Variants in GRID2 observed in about 807,000 individuals in gnomAD.
The protein encoded by GRID2 is glutamate ionotropic receptor delta type subunit 2.
A neutral mutation model predicts 114.8 loss-of-function variants in GRID2; 33 were observed. That is an observed-to-expected ratio of 0.29 (90% CI 0.22 to 0.38). The LOEUF (loss-of-function observed/expected upper bound fraction) is 0.38, where lower values mean the gene tolerates loss of function less well. Ranked by LOEUF, GRID2 falls within the 10% of genes least tolerant of loss-of-function variation. The probability of loss-of-function intolerance (pLI) is 1.00; values close to 1 mark genes in which losing one functional copy is unlikely to be tolerated. For synonymous variants in GRID2, 505 were observed against 449.9 expected (o/e 1.12, Z -1.55); for missense variants, 1,184 against 1,257.7 (o/e 0.94, Z 0.89).
rs575914002 is a variant in GRID2, at chr4:93,547,207, G to T, written c.2193+31796G>T. ...AATAAAACTCCTATAATAGACTAGG[G>T]ATTTCTAATCTGGGTGAATATTATT... On this transcript the variant is annotated intron_variant, in intron 13 of 15. Transcript: ENST00000282020. 9.6e-4 allele frequency among the ~76,000 whole-genome samples: 146 copies of T among 152,226 alleles called. 4 individuals are homozygous for T. The highest frequency in any genetic ancestry group is 1.2e-3 in the Non-Finnish European group (85 of 68,014).
At chr4:93,337,887 G>A (rs575456247) in intron 8 of GRID2, among the ~76,000 whole-genome samples, 1 of 152,050 alleles carries the variant, frequency 6.6e-6, no homozygotes, top group African/African-American at 2.4e-5. Context: ...TTTAAAAAGG[G>A]CTTGAAATAC....
chr4:93,131,145 A>ATTTTTTTTTTTTTTTTTTTTTTTTT lies in GRID2; in HGVS notation c.735+20216_735+20217insTTTTTTTTTTTTTTTTTTTTTTTTT, dbSNP rs34215461. Among the ~76,000 whole-genome samples, 6 of 88,754 alleles carry ATTTTTTTTTTTTTTTTTTTTTTTTT rather than the reference A, an allele frequency of 6.8e-5. 1 individual carries two copies. Among genetic ancestry groups the ATTTTTTTTTTTTTTTTTTTTTTTTT allele is most frequent in the African/African-American group, 1.6e-4 (3 of 19,072 alleles). The allele number at this position is 88,754 out of a possible 152,430, so 58.2% of individuals were successfully genotyped here. On this transcript the variant is annotated intron_variant, in intron 4 of 15. Transcript: ENST00000282020. ...AGAACTTCCATGAAAAGATTAAATA[A>ATTTTTTTTTTTTTTTTTTTTTTTTT]TTTTTTTTTTTTTTTTTTTTTTTTG...
At chr4:93,626,584 G>A in intron 14 of GRID2, 149 bp downstream of exon 14, 3 of 535,430 alleles carry the variant, frequency 5.6e-6, no homozygotes, top group Non-Finnish European at 9.9e-6. Flanking sequence ...GTTATAAGTA[G>A]TTGTTCAATA....
At chr4:93,205,014 A>G (rs778934227) in intron 4 of GRID2, among the ~76,000 whole-genome samples, 2 of 152,064 alleles carry the variant, frequency 1.3e-5, no homozygotes, top group African/African-American at 2.4e-5. Flanking sequence ...CTTGTACAAC[A>G]TATTTCTCTT....
rs115028894 is a variant in GRID2 at position 93,229,546 on chromosome 4, T to C, written c.1125+4771T>C. Among the ~76,000 whole-genome samples the C allele has an allele frequency of 4.1e-3, 617 of 152,248 alleles. 5 individuals are homozygous for C. Among genetic ancestry groups the C allele is most frequent in the African/African-American group, 0.014 (574 of 41,548 alleles). Reference sequence around the variant, plus strand: ...AGAAGTCAGCAGCCAGCAACACAAATGAGGTCAGGCTCTTTATTATGATGG... The same window carrying C: ...AGAAGTCAGCAGCCAGCAACACAAACGAGGTCAGGCTCTTTATTATGATGG... On this transcript the variant is annotated intron_variant, in intron 7 of 15. Coordinates refer to ENST00000282020, the MANE Select transcript of GRID2 (RefSeq NM_001510.4).
chr4:93,354,856 G>A (rs910032861), intron 8 of GRID2, among the ~76,000 whole-genome samples: 2 of 142,318 alleles, frequency 1.4e-5, no homozygotes, highest in Non-Finnish European at 3.0e-5. Context: ...GTTCAATAAG[G>A]CCTGTAAAGT....
intron 1 of GRID2, among the ~76,000 whole-genome samples, chr4:93,796,223 A>C (rs1377203882): frequency 6.6e-6 from 1 of 152,122 alleles, no homozygotes; most frequent in East Asian, 1.9e-4. Context: ...CTAGCTTCTG[A>C]TTAACTCAAA....
At chr4:93,537,622 A>G (rs1027717921) in intron 13 of GRID2, among the ~76,000 whole-genome samples, 1 of 151,774 alleles carries the variant, frequency 6.6e-6, no homozygotes, top group East Asian at 1.9e-4. Context: ...GCAAATGACA[A>G]CTTCATTCAC....
At chr4:93,155,321 T>C (rs187749605) in intron 4 of GRID2, among the ~76,000 whole-genome samples, 88 of 152,128 alleles carry the variant, frequency 5.8e-4, no homozygotes, top group Non-Finnish European at 1.0e-3. Flanking sequence ...CTGCATATTC[T>C]ATTGCTCTGC....
intron 2 of GRID2, among the ~76,000 whole-genome samples, chr4:92,844,265 T>G: frequency 6.6e-6 from 1 of 151,938 alleles, no homozygotes; most frequent in South Asian, 2.1e-4. Context: ...TTAGGCCAGG[T>G]GCGGTGGCTC....
At chr4:93,589,967 G>C (rs991756660) in intron 13 of GRID2, among the ~76,000 whole-genome samples, 2 of 150,986 alleles carry the variant, frequency 1.3e-5, no homozygotes, top group East Asian at 1.9e-4. Flanking sequence ...TTTGTCAGAT[G>C]AGTAGGTTGT....
intron 8 of GRID2, among the ~76,000 whole-genome samples, chr4:93,265,860 C>A (rs1750767469): frequency 6.6e-6 from 1 of 152,012 alleles, no homozygotes; most frequent in Non-Finnish European, 1.5e-5. Context: ...GCTTTAGTAC[C>A]CCATCATTTC....
chr4:92,713,348 A>T (rs1186619156), intron 2 of GRID2, among the ~76,000 whole-genome samples: 2 of 151,412 alleles, frequency 1.3e-5, no homozygotes, highest in East Asian at 3.9e-4. Flanking sequence ...AGGAAAAAAT[A>T]AGAGAATGGC....
intron 4 of GRID2, among the ~76,000 whole-genome samples, chr4:93,194,767 T>A (rs1419017351): frequency 6.6e-6 from 1 of 152,198 alleles, no homozygotes; most frequent in African/African-American, 2.4e-5. Flanking sequence ...CTCAAAATCA[T>A]TCCCTGAACC....
intron 1 of GRID2, among the ~76,000 whole-genome samples, chr4:92,347,251 G>A (rs1197310634): frequency 6.6e-6 from 1 of 152,168 alleles, no homozygotes; most frequent in Non-Finnish European, 1.5e-5. Flanking sequence ...TTCAATATTA[G>A]GATAGTTCAG....
At chr4:92,975,125 C>T (rs1196819992) in intron 2 of GRID2, among the ~76,000 whole-genome samples, 6 of 117,264 alleles carry the variant, frequency 5.1e-5, no homozygotes, top group Non-Finnish European at 9.7e-5. Context: ...CCACTGCACT[C>T]CAGCCTGGGC....
At chr4:92,395,859 G>A (rs1730467553) in intron 1 of GRID2, among the ~76,000 whole-genome samples, 2 of 151,720 alleles carry the variant, frequency 1.3e-5, no homozygotes, top group South Asian at 4.1e-4. Context: ...GAGCTGATGT[G>A]CCCCTAAAGG....
At chr4:93,333,548 G>T (rs1758721355) in intron 8 of GRID2, among the ~76,000 whole-genome samples, 1 of 152,074 alleles carries the variant, frequency 6.6e-6, no homozygotes. Flanking sequence ...AAGAACCCCT[G>T]TCATACAGGC....
chr4:93,525,956 G>C (rs867376823), intron 13 of GRID2, among the ~76,000 whole-genome samples: 1 of 152,138 alleles, frequency 6.6e-6, no homozygotes, highest in African/African-American at 2.4e-5. Flanking sequence ...CCTTGGTTTA[G>C]TTCTTACTCT....
Sources: allele counts gnomAD v4.1 joint callset (sites outside exome capture counted in the v4.1 genomes callset), GRCh38; gene constraint gnomAD v4.1.1; transcripts MANE v1.5; gene names NCBI Gene and HGNC (gene_info 2026-07-23, HGNC 2026-07-21).